Variants in HECW1 observed in about 807,000 individuals in gnomAD.
The protein encoded by HECW1 is E3 ubiquitin-protein ligase HECW1.
Under a neutral mutation model 182.3 loss-of-function variants are expected in HECW1, and 61 were observed. The ratio of observed to expected loss-of-function variants is 0.33; its 90% CI spans 0.27 to 0.41. The LOEUF is 0.41. HECW1 is among the 10% of genes least tolerant of loss of function. The pLI is 1.00. For missense variants in HECW1, 1,739 were observed against 2,108.9 expected (o/e 0.82, Z 3.44); for synonymous variants, 859 against 832.6 (o/e 1.03, Z -0.55).
At position 43,112,958 on chromosome 7, in the gene HECW1, G is replaced by A. The variant is rs187631312; in HGVS notation, c.-267+21G>A. The stretch of plus-strand genomic sequence containing the variant: ...CCAAGGTAAGCGGGCGTAGCGCGGG[G>A]ACACTGTCTGCCGCCCCTTCCCCCC... On this transcript the variant is annotated intron_variant, in intron 1 of 29. Coordinates refer to ENST00000395891, the MANE Select transcript of HECW1 (RefSeq NM_015052.5). 555 of 209,482 alleles carry A rather than the reference G, an allele frequency of 2.6e-3. 4 individuals carry two copies. Among genetic ancestry groups the A allele is most frequent in the African/African-American group, 0.011 (483 of 43,984 alleles). The allele number at this position is 209,482 out of a possible 1,614,324, so 13.0% of individuals were successfully genotyped here.
intron 6 of HECW1, among the ~76,000 whole-genome samples, chr7:43,382,260 T>C (rs1049219960): frequency 1.3e-5 from 2 of 150,104 alleles, no homozygotes; most frequent in Non-Finnish European, 3.0e-5. Flanking sequence ...CACTCCAGCC[T>C]GGGCGACAGA....
intron 6 of HECW1, among the ~76,000 whole-genome samples, chr7:43,390,808 G>A (rs1231945425): frequency 6.6e-6 from 1 of 152,156 alleles, no homozygotes; most frequent in African/African-American, 2.4e-5. Flanking sequence ...CACTGACTGA[G>A]GAGCTAGGTT....
intron 8 of HECW1, among the ~76,000 whole-genome samples, chr7:43,435,957 G>A (rs1447197471): frequency 6.6e-6 from 1 of 152,192 alleles, no homozygotes; most frequent in Admixed American, 6.5e-5. Flanking sequence ...GAGGTCAGGA[G>A]ATGGAGACCA....
chr7:43,499,475 A>AAAAG (rs766128552), intron 19 of HECW1, among the ~76,000 whole-genome samples: 62 of 150,892 alleles, frequency 4.1e-4, no homozygotes, highest in Middle Eastern at 6.9e-3. Context: ...TCTCAAAAAA[A>AAAAG]AAAGAAAGAA....
intron 17 of HECW1, among the ~76,000 whole-genome samples, chr7:43,487,722 C>T (rs77338530): frequency 0.18 from 27,051 of 152,074 alleles, 2,775 homozygotes; most frequent in South Asian, 0.23. Context: ...CTTTGGGAGG[C>T]AGGGCAGGAG....
chr7:43,366,431 A>T (rs1326745770), intron 6 of HECW1, among the ~76,000 whole-genome samples: 2 of 152,222 alleles, frequency 1.3e-5, no homozygotes, highest in Non-Finnish European at 2.9e-5. Context: ...TATTTCAAAA[A>T]AAATTTCAAG....
At chr7:43,215,367 T>TA (rs1419864446) in intron 2 of HECW1, among the ~76,000 whole-genome samples, 2 of 152,266 alleles carry the variant, frequency 1.3e-5, no homozygotes, top group Admixed American at 6.5e-5. Context: ...TCAGCATGGC[T>TA]GACCCAGCCA....
chr7:43,333,058 C>T (rs1811694657), intron 5 of HECW1, among the ~76,000 whole-genome samples: 1 of 152,132 alleles, frequency 6.6e-6, no homozygotes, highest in South Asian at 2.1e-4. Context: ...ATGACTAAGG[C>T]AGAGGATTGG....
At chr7:43,175,123 A>C (rs2152670617) in intron 2 of HECW1, among the ~76,000 whole-genome samples, 1 of 151,790 alleles carries the variant, frequency 6.6e-6, no homozygotes, top group Non-Finnish European at 1.5e-5. Flanking sequence ...TTGAGGTATA[A>C]GTTTTTGTTG....
At chr7:43,558,012 C>A (rs887216278) in intron 29 of HECW1, among the ~76,000 whole-genome samples, 3 of 152,152 alleles carry the variant, frequency 2.0e-5, no homozygotes, top group African/African-American at 7.2e-5. Flanking sequence ...GAATTGACAG[C>A]AGGGAGTGTG....
intron 3 of HECW1, among the ~76,000 whole-genome samples, chr7:43,293,092 C>T (rs138349549): frequency 3.0e-4 from 46 of 151,688 alleles, no homozygotes; most frequent in African/African-American, 8.7e-4. Context: ...TGGTGGAAGG[C>T]GCCTGTGGTC....
chr7:43,197,301 C>T (rs774348935), intron 2 of HECW1, among the ~76,000 whole-genome samples: 4 of 152,056 alleles, frequency 2.6e-5, no homozygotes, highest in Admixed American at 6.5e-5. Context: ...GAAGAGGGAG[C>T]GGAATACCCC....
Position 43,563,413 on chromosome 7 carries a change from G to C in HECW1, c.*1487G>C, listed in dbSNP as rs906304736. 2 of 199,164 alleles carry C rather than the reference G, an allele frequency of 1.0e-5. No individual in the cohort carries two copies. Among genetic ancestry groups the C allele is most frequent in the Admixed American group, 1.2e-4 (2 of 16,540 alleles). 12.3% of individuals were successfully genotyped at this position (199,164 alleles called of 1,614,324 possible). Reference sequence around the variant, plus strand: ...ATAAATGAAAGTGTTTTTCTTCACTGGGAAAAAGAAGAGCTCAAGAGACCC... The same window carrying C: ...ATAAATGAAAGTGTTTTTCTTCACTCGGAAAAAGAAGAGCTCAAGAGACCC... On this transcript the variant is annotated 3_prime_UTR_variant, in exon 30 of 30. Coordinates refer to ENST00000395891, the MANE Select transcript of HECW1 (RefSeq NM_015052.5).
chr7:43,559,310 G>T (rs1230261690), intron 29 of HECW1, among the ~76,000 whole-genome samples: 13 of 152,162 alleles, frequency 8.5e-5, no homozygotes, highest in Admixed American at 8.5e-4. Context: ...GACCCGTGCA[G>T]ATCTCCAAAA....
At chr7:43,552,679 G>A (rs969717476) in intron 28 of HECW1, among the ~76,000 whole-genome samples, 51 of 152,086 alleles carry the variant, frequency 3.4e-4, no homozygotes, top group African/African-American at 9.4e-4. Context: ...GTAGTCTTTC[G>A]TGTCTGGCTT....
intron 17 of HECW1, among the ~76,000 whole-genome samples, chr7:43,489,678 A>T (rs1363260511): frequency 6.6e-6 from 1 of 152,264 alleles, no homozygotes; most frequent in Admixed American, 6.5e-5. Context: ...CCCAACTTCC[A>T]GAAAAGCAGC....
intron 29 of HECW1, among the ~76,000 whole-genome samples, chr7:43,556,279 C>T (rs1290376074): frequency 3.3e-5 from 5 of 152,174 alleles, no homozygotes; most frequent in South Asian, 2.1e-4. Context: ...GGGCTGAGAG[C>T]GGGGAATGGC....
At chr7:43,458,523 A>G (rs1214757593) in intron 13 of HECW1, among the ~76,000 whole-genome samples, 3 of 152,236 alleles carry the variant, frequency 2.0e-5, no homozygotes, top group African/African-American at 7.2e-5. Context: ...CTTGCTGAAT[A>G]GGAAGTTGCA....
chr7:43,261,514 T>C (rs1425327632), intron 3 of HECW1, among the ~76,000 whole-genome samples: 2 of 152,208 alleles, frequency 1.3e-5, no homozygotes, highest in Non-Finnish European at 2.9e-5. Context: ...GGGGGTTAAA[T>C]GCAGCTGGTG....
Sources: gnomAD v4.1 joint callset for allele counts (sites outside exome capture counted in the v4.1 genomes callset) on GRCh38, gnomAD v4.1.1 for gene constraint, MANE v1.5 for transcripts, NCBI Gene and HGNC (gene_info 2026-07-23, HGNC 2026-07-21) for gene names.